The following CYP3A5 variants were observed in gnomAD, a reference collection of about 807,000 sequenced individuals.
CYP3A5 encodes the protein cytochrome P450 family 3 subfamily A member 5, also known as cytochrome P450 3A5.
CYP3A5 carries 51 observed loss-of-function variants against 55.9 expected under a neutral mutation model. That is an observed-to-expected ratio of 0.91 (90% CI 0.73 to 1.15). The LOEUF is 1.15. Ranked by LOEUF, CYP3A5 falls within the 50% of genes most tolerant of loss-of-function variation. CYP3A5 has a pLI of 0.00. For missense variants in CYP3A5, 533 were observed against 596.6 expected, an observed-to-expected ratio of 0.89 and a Z score of 1.11; for synonymous variants, 196 against 213.9, an observed-to-expected ratio of 0.92 and a Z score of 0.73.
chr7:99,667,602 C>G (rs1196933919), intron 4 of CYP3A5, among the ~76,000 whole-genome samples: 1 of 152,100 alleles, frequency 6.6e-6, no homozygotes, highest in Non-Finnish European at 1.5e-5. Context: ...ATTCTTTTCT[C>G]TTAATTTTTT....
At chr7:99,665,689 G>A (rs1584447657) in intron 6 of CYP3A5, among the ~76,000 whole-genome samples, 3 of 152,240 alleles carry the variant, frequency 2.0e-5, no homozygotes, top group Admixed American at 1.3e-4. Flanking sequence ...ACTCTTCCTA[G>A]TGGATTCAAG....
At chr7:99,669,921 A>T (rs1811418784) in intron 4 of CYP3A5, among the ~76,000 whole-genome samples, 1 of 152,212 alleles carries the variant, frequency 6.6e-6, no homozygotes, top group Non-Finnish European at 1.5e-5. Flanking sequence ...TGCCACACAA[A>T]ACTCACATTT....
intron 11 of CYP3A5, 170 bp downstream of exon 11, chr7:99,652,383 T>G: frequency 2.3e-5 from 12 of 512,268 alleles, no homozygotes; most frequent in East Asian, 3.2e-5. Context: ...GTAGTTTCGT[T>G]TTTTCTAGTC....
rs1584408714 is a variant in CYP3A5, at chr7:99,653,450, C to T, written c.1027-671G>A. Among the ~76,000 whole-genome samples the T allele has an allele frequency of 1.4e-5, 2 of 145,494 alleles. No homozygotes were observed. Among genetic ancestry groups the T allele is most frequent in the South Asian group, 2.3e-4 (1 of 4,392 alleles). On this transcript the variant is annotated intron_variant, in intron 10 of 12. Transcript: ENST00000222982. This position sits in a 1 kb window ranked among gnomAD's most constrained non-coding sequence, Gnocchi z 4.2. ...TGGGTCGTAGAGTCAGACCCTGTCT[C>T]AAATAAATAAATAAATAAATAAATA...
chr7:99,651,886 T>C (rs1809224848), intron 11 of CYP3A5, among the ~76,000 whole-genome samples: 1 of 152,172 alleles, frequency 6.6e-6, no homozygotes, highest in Non-Finnish European at 1.5e-5. Context: ...CAGCCACAGA[T>C]AGGACCAGGA....
chr7:99,675,645 C>T (rs113736034), intron 2 of CYP3A5, among the ~76,000 whole-genome samples: 4 of 244 alleles, frequency 0.016, 1 homozygote, highest in African/African-American at 0.028. Context: ...TCCTCTCCTC[C>T]CCCCTCCCCT....
chr7:99,648,494 TG>T, intron 12 of CYP3A5, 94 bp from the exon 13 acceptor site: 7 of 915,150 alleles, frequency 7.6e-6, no homozygotes, highest in East Asian at 2.9e-5. Context: ...AAAAATGCTT[TG>T]CAAGCATATA....
At chr7:99,651,818 T>C (rs1809219915) in intron 11 of CYP3A5, among the ~76,000 whole-genome samples, 1 of 152,130 alleles carries the variant, frequency 6.6e-6, no homozygotes, top group Admixed American at 6.5e-5. Flanking sequence ...TCAAGACACC[T>C]CCAAGGAGGA....
At position 99,665,290 on chromosome 7, in the gene CYP3A5, A is replaced by T; in HGVS notation, c.546T>A (p.Asp182Glu). The T allele has an allele frequency of 6.2e-7, 1 of 1,614,192 alleles. No individual in the cohort carries two copies. Residue 182 changes from aspartate (D) to glutamate (E), a missense_variant, in exon 7 of 13, where the codon GAT (aspartate) becomes GAA (glutamate). Coordinates refer to ENST00000222982, the MANE Select transcript of CYP3A5 (RefSeq NM_000777.5). ...LKDIFGAYSMDVITGTSFGVN... is the reference protein window; with the variant it reads ...LKDIFGAYSMEVITGTSFGVN... ...CTCCAAATGATGTGCCAGTAATCAC[A>T]TCCATGCTGTAGGCCCCAAAGATGC... is the stretch of plus-strand genomic sequence containing the variant.
At chr7:99,677,716 G>T (rs1401203788) in intron 1 of CYP3A5, among the ~76,000 whole-genome samples, 3 of 152,238 alleles carry the variant, frequency 2.0e-5, no homozygotes, top group African/African-American at 7.2e-5. Flanking sequence ...TAGTGGAAGT[G>T]CGTGCACCAC....
intron 10 of CYP3A5, chr7:99,659,646 TTGG>T (rs1430435664): frequency 6.6e-6 from 1 of 152,572 alleles, no homozygotes; most frequent in Non-Finnish European, 1.5e-5. Context: ...CTGCTGCCTT[TTGG>T]TTGGCTATGC....
rs1810557111 is a variant in CYP3A5, at chr7:99,662,518, G to A, written c.865+298C>T. 6.6e-6 allele frequency among the ~76,000 whole-genome samples: 1 copy of A among 152,140 alleles called. No homozygotes were observed. The highest frequency in any genetic ancestry group is 2.1e-4 in the South Asian group (1 of 4,820). Reference sequence around the variant, plus strand: ...AATTTCCAAGTAGAGGTTCTCACTTGGTGGATCTGGAGGAGGCTGAGAACT... The same window carrying A: ...AATTTCCAAGTAGAGGTTCTCACTTAGTGGATCTGGAGGAGGCTGAGAACT... On this transcript the variant is annotated intron_variant, in intron 9 of 12. Transcript: ENST00000222982. The surrounding 1 kb of genome is among the most constrained non-coding windows in gnomAD (Gnocchi z 4.3).
chr7:99,679,700 C>T (rs1812648431), intron 1 of CYP3A5, 126 bp downstream of exon 1: 9 of 826,492 alleles, frequency 1.1e-5, no homozygotes, highest in South Asian at 7.5e-5. Context: ...GCGTTTGTAG[C>T]GTCCAACACT....
rs1809186525 is a variant in CYP3A5 at position 99,651,494 on chromosome 7, T to C, written c.1253+1059A>G. ...GGAAGTGCTGAGCTTGCAGGAAACA[T>C]AGAAGTCCTCTACTCCAGAAAACAG... On this transcript the variant is annotated intron_variant, in intron 11 of 12. Transcript: ENST00000222982. Among the ~76,000 whole-genome samples the C allele has an allele frequency of 2.0e-5, 3 of 152,066 alleles. No homozygotes were observed. The South Asian group carries it at 6.2e-4, about 32-fold the overall frequency.
At chr7:99,678,090 A>G (rs887645407) in intron 1 of CYP3A5, among the ~76,000 whole-genome samples, 1 of 152,206 alleles carries the variant, frequency 6.6e-6, no homozygotes, top group Non-Finnish European at 1.5e-5. Flanking sequence ...GGCCTGGTCT[A>G]CACTGCATTT....
intron 10 of CYP3A5, among the ~76,000 whole-genome samples, chr7:99,658,595 G>T (rs189454936): frequency 0.068 from 10,324 of 152,044 alleles, 494 homozygotes; most frequent in African/African-American, 0.13. Context: ...TCTTTGTGGC[G>T]TTCTCTGTAT....
intron 10 of CYP3A5, 53 bp downstream of exon 10, chr7:99,660,446 A>G: frequency 2.0e-6 from 3 of 1,531,170 alleles, no homozygotes; most frequent in Non-Finnish European, 2.6e-6. Flanking sequence ...GTGAGGAGGC[A>G]TTTTTGCTAA....
intron 10 of CYP3A5, among the ~76,000 whole-genome samples, chr7:99,655,678 C>T (rs955080740): frequency 7.9e-5 from 12 of 152,164 alleles, no homozygotes; most frequent in Non-Finnish European, 1.6e-4. Context: ...GCAGTATGGC[C>T]ATTTTCATGA....
intron 12 of CYP3A5, 78 bp from the exon 13 acceptor site, chr7:99,648,478 T>C (rs1808837894): frequency 8.2e-7 from 1 of 1,218,478 alleles, no homozygotes; most frequent in African/African-American, 1.5e-5. Context: ...GTAGAAAAAA[T>C]ATGACAAAAA....
Sources: gnomAD v4.1 joint callset for allele counts (sites outside exome capture counted in the v4.1 genomes callset) on GRCh38, gnomAD v4.1.1 for gene constraint, Gnocchi (gnomAD v3.1) non-coding constraint, MANE v1.5 for transcripts, NCBI Gene and HGNC (gene_info 2026-07-23, HGNC 2026-07-21) for gene names.